The following TMED3 variants were observed in gnomAD, a reference collection of about 807,000 sequenced individuals.
TMED3 encodes the protein transmembrane emp24 domain-containing protein 3.
A neutral mutation model predicts 15.0 loss-of-function variants in TMED3; 9 were observed. That is an observed-to-expected ratio of 0.60 (90% CI 0.36 to 1.04). TMED3 has a LOEUF of 1.04. Ranked by LOEUF, TMED3 falls within the 50% of genes least tolerant of loss-of-function variation. The pLI is 0.01. For missense variants in TMED3, 267 were observed against 278.9 expected (o/e 0.96, Z 0.30); for synonymous variants, 117 against 121.4 (o/e 0.96, Z 0.24).
At chr15:79,313,106 TC>T (rs780420057) in intron 1 of TMED3, among the ~76,000 whole-genome samples, 1 of 152,194 alleles carries the variant, frequency 6.6e-6, no homozygotes, top group African/African-American at 2.4e-5. Context: ...AGACATATCC[TC>T]AGAGAATAAA....
chr15:79,318,109 A>C (rs990370337), intron 2 of TMED3, among the ~76,000 whole-genome samples: 44 of 151,854 alleles, frequency 2.9e-4, no homozygotes, highest in African/African-American at 1.0e-3. Context: ...GCTGCTTGGG[A>C]TGTGTTCTCA....
At chr15:79,400,023 A>C (rs187917275) in intron 2 of TMED3, among the ~76,000 whole-genome samples, 3 of 152,294 alleles carry the variant, frequency 2.0e-5, no homozygotes, top group East Asian at 3.9e-4. Context: ...ATGGCTTTCT[A>C]TTGTACCGGG....
intron 2 of TMED3, among the ~76,000 whole-genome samples, chr15:79,328,809 C>T (rs560392543): frequency 1.8e-4 from 28 of 152,248 alleles, no homozygotes; most frequent in African/African-American, 6.5e-4. Flanking sequence ...ACACTGTAGC[C>T]TGGGGGCAGA....
At chr15:79,323,045 C>T (rs2058774771), downstream of TMED3, among the ~76,000 whole-genome samples, 1 of 152,186 alleles carries the variant, frequency 6.6e-6, no homozygotes, top group Admixed American at 6.5e-5. Flanking sequence ...CATGCTCACA[C>T]CATGTTGTAC....
chr15:79,353,971 T>C (rs1007563780), intron 2 of TMED3, among the ~76,000 whole-genome samples: 1 of 152,154 alleles, frequency 6.6e-6, no homozygotes, highest in Non-Finnish European at 1.5e-5. Flanking sequence ...TGGAAGCTTG[T>C]GTTTGGGATC....
intron 2 of TMED3, among the ~76,000 whole-genome samples, chr15:79,355,444 G>A (rs2058915183): frequency 6.6e-6 from 1 of 152,100 alleles, no homozygotes; most frequent in South Asian, 2.1e-4. Context: ...AGCCACACCA[G>A]CTCACCCAAA....
At position 79,313,931 on chromosome 15, in the gene TMED3, T is replaced by C; in HGVS notation, c.343T>C (p.Tyr115His). Residue 115 changes from tyrosine (Y) to histidine (H), a missense_variant, in exon 2 of 3, where the codon TAC (tyrosine) becomes CAC (histidine). Coordinates refer to ENST00000299705, the MANE Select transcript of TMED3 (RefSeq NM_007364.4). ...EFSTFSHKTV[Y>H]FDFQVGDEPP... Reference sequence around the variant, plus strand: ...TTCCACCTTCTCTCACAAGACCGTCTACTTTGACTTTCAAGTGGGCGATGA... The same window carrying C: ...TTCCACCTTCTCTCACAAGACCGTCCACTTTGACTTTCAAGTGGGCGATGA... 1 of 1,614,244 alleles carries C rather than the reference T, an allele frequency of 6.2e-7. No homozygotes were observed. The highest frequency in any genetic ancestry group is 8.5e-7 in the Non-Finnish European group (1 of 1,180,050).
At chr15:79,389,709 C>T (rs560880098) in intron 2 of TMED3, among the ~76,000 whole-genome samples, 99 of 152,012 alleles carry the variant, frequency 6.5e-4, no homozygotes, top group Admixed American at 2.4e-3. Flanking sequence ...AATATTGATT[C>T]CACCCATCCA....
intron 2 of TMED3, chr15:79,383,283 G>T: frequency 4.0e-6 from 2 of 500,178 alleles, no homozygotes; most frequent in South Asian, 6.0e-5. Context: ...TCTTAAGGCT[G>T]TTGAAGATTA....
chr15:79,356,124 G>A (rs1440294396), intron 2 of TMED3, among the ~76,000 whole-genome samples: 1 of 152,148 alleles, frequency 6.6e-6, no homozygotes, highest in Non-Finnish European at 1.5e-5. Context: ...AAAGTACATG[G>A]AAGAGACTGC....
At chr15:79,385,609 C>T (rs1893616189) in intron 2 of TMED3, among the ~76,000 whole-genome samples, 1 of 152,122 alleles carries the variant, frequency 6.6e-6, no homozygotes, top group Non-Finnish European at 1.5e-5. Flanking sequence ...GGTCTGCAGT[C>T]ACTGGTTGGG....
chr15:79,406,826 G>C (rs780471362), intron 2 of TMED3, among the ~76,000 whole-genome samples: 5 of 152,170 alleles, frequency 3.3e-5, no homozygotes, highest in Non-Finnish European at 5.9e-5. Context: ...AGCCATGTGT[G>C]CCTGTTATGT....
At chr15:79,344,250 G>T (rs2141230301) in intron 2 of TMED3, among the ~76,000 whole-genome samples, 1 of 152,356 alleles carries the variant, frequency 6.6e-6, no homozygotes, top group East Asian at 1.9e-4. Context: ...GTGAGCCTCG[G>T]TGTCAAATGC....
At position 79,322,230 on chromosome 15, in the gene TMED3, C is replaced by T. The variant is rs377387375; in HGVS notation, c.*16C>T. ...CCACTCCTAGCCCCGGCATCCTGCT[C>T]TAGGGCCCCTCATGCCCCAGGCTGG... On this transcript the variant is annotated 3_prime_UTR_variant, in exon 3 of 3. Coordinates refer to ENST00000299705, the MANE Select transcript of TMED3 (RefSeq NM_007364.4). The T allele has an allele frequency of 1.0e-5, 16 of 1,604,076 alleles. No homozygotes were observed. The highest frequency in any genetic ancestry group is 1.3e-5 in the Non-Finnish European group (15 of 1,174,050).
Position 79,367,186 on chromosome 15 carries a change from A to T in TMED3, c.418-44214A>T, listed in dbSNP as rs566721251. Among the ~76,000 whole-genome samples the T allele has an allele frequency of 1.2e-3, 182 of 152,314 alleles. 1 individual carries two copies. Among genetic ancestry groups the T allele is most frequent in the African/African-American group, 3.7e-3 (153 of 41,582 alleles). ...AAATGCATCTCATATGGTGCCTAAC[A>T]AAGTCCAATATGATGCAGAACTAAA... On this transcript the variant is annotated intron_variant, in intron 2 of 2. Coordinates refer to the TMED3 transcript ENST00000424155.
chr15:79,409,490 A>G (rs57966208), intron 2 of TMED3, among the ~76,000 whole-genome samples: 5,067 of 152,322 alleles, frequency 0.033, 265 homozygotes, highest in African/African-American at 0.11. Flanking sequence ...AACACTGCTC[A>G]GAGTTCATGC....
intron 2 of TMED3, chr15:79,383,549 C>A (rs1403399823): frequency 6.5e-6 from 1 of 154,374 alleles, no homozygotes. Context: ...CTTGTCGCTC[C>A]CCAGTGAAGT....
intron 2 of TMED3, among the ~76,000 whole-genome samples, chr15:79,327,960 G>A (rs1028456957): frequency 1.8e-4 from 28 of 152,338 alleles, no homozygotes; most frequent in African/African-American, 5.3e-4. Context: ...TTGGGGGCTT[G>A]TGTAAGAATT....
chr15:79,383,386 G>T, intron 2 of TMED3: 1 of 215,176 alleles, frequency 4.6e-6, no homozygotes, highest in Non-Finnish European at 9.3e-6. Context: ...ACCATCCTCA[G>T]GTTCAGAGTT....
Sources: allele counts gnomAD v4.1 joint callset (sites outside exome capture counted in the v4.1 genomes callset), GRCh38; gene constraint gnomAD v4.1.1; transcripts MANE v1.5; gene names NCBI Gene and HGNC (gene_info 2026-07-23, HGNC 2026-07-21).